Variants in MTF1 observed in about 807,000 individuals in gnomAD.
MTF1 encodes the protein metal regulatory transcription factor 1.
Under a neutral mutation model 70.4 loss-of-function variants are expected in MTF1, and 22 were observed. The observed-to-expected ratio is 0.31, with a 90% confidence interval of 0.22 to 0.45. MTF1 has a LOEUF of 0.45. MTF1 is among the 20% of genes least tolerant of loss of function. MTF1 has a pLI of 1.00. For synonymous variants in MTF1, 333 were observed against 352.8 expected (o/e 0.94, Z 0.63); for missense variants, 649 against 922.0 (o/e 0.70, Z 3.83).
rs139243434 is a variant in MTF1 at position 37,822,638 on chromosome 1, A to G, written c.1250T>C (p.Leu417Ser). Residue 417 changes from leucine (L) to serine (S), a missense_variant, in exon 9 of 11, where the codon TTA (leucine) becomes TCA (serine). Leu to Ser is a moderately radical substitution (Grantham distance 145). This residue lies in a region of MTF1 where 267 missense variants were observed against 292.1 expected (regional missense o/e 0.91). Transcript: ENST00000373036. ...AGGTTGCAGTACAAGTGGAAGAGATAAAGATGCTGAATTTCCTGTGGATGG... is the reference window on the plus strand; with the variant it reads ...AGGTTGCAGTACAAGTGGAAGAGATGAAGATGCTGAATTTCCTGTGGATGG... ...VPPSTGNSAS[L>S]SLPLVLQPGL... 1.1e-5 allele frequency: 17 copies of G among 1,613,956 alleles called. No individual in the cohort carries two copies. Among genetic ancestry groups the G allele is most frequent in the African/African-American group, 2.7e-5 (2 of 75,022 alleles).
chr1:37,836,371 A>C (rs2148411900), intron 4 of MTF1, among the ~76,000 whole-genome samples: 1 of 152,296 alleles, frequency 6.6e-6, no homozygotes, highest in Middle Eastern at 3.4e-3. Context: ...CTGCCAGTGG[A>C]ACATTAGGAA....
At chr1:37,843,404 C>T (rs561721443) in intron 2 of MTF1, among the ~76,000 whole-genome samples, 17 of 151,898 alleles carry the variant, frequency 1.1e-4, no homozygotes, top group Non-Finnish European at 1.6e-4. Flanking sequence ...TAAAGAAGAG[C>T]AAGATTTAAA....
At chr1:37,834,572 T>C (rs1465378844) in intron 6 of MTF1, 6 of 452,312 alleles carry the variant, frequency 1.3e-5, no homozygotes, top group Admixed American at 2.4e-5. Flanking sequence ...GGCTGATATA[T>C]GTAGGACAGT....
intron 2 of MTF1, among the ~76,000 whole-genome samples, chr1:37,849,763 T>C (rs1641386716): frequency 6.6e-6 from 1 of 152,122 alleles, no homozygotes. Flanking sequence ...AGCTCATGCC[T>C]TTAATCCCAG....
At chr1:37,821,596 A>G (rs1369825599) in intron 9 of MTF1, among the ~76,000 whole-genome samples, 1 of 152,172 alleles carries the variant, frequency 6.6e-6, no homozygotes, top group African/African-American at 2.4e-5. Context: ...CCCTGAGACA[A>G]TTCTTCACGA....
At chr1:37,817,572 CAAG>C in intron 9 of MTF1, 90 bp from the exon 10 acceptor site, 1 of 874,632 alleles carries the variant, frequency 1.1e-6, no homozygotes, top group Non-Finnish European at 1.9e-6. Flanking sequence ...AATGGTCATC[CAAG>C]AAGACAGAAA....
At chr1:37,852,891 A>C (rs189060381) in intron 2 of MTF1, among the ~76,000 whole-genome samples, 1 of 152,314 alleles carries the variant, frequency 6.6e-6, no homozygotes, top group East Asian at 1.9e-4. Flanking sequence ...TCTGCCTCCG[A>C]AAGTGCTGGG....
chr1:37,819,351 G>A (rs563433283), intron 9 of MTF1, among the ~76,000 whole-genome samples: 6 of 152,060 alleles, frequency 3.9e-5, no homozygotes, highest in South Asian at 2.1e-4. Context: ...GACCGGGCGC[G>A]GTGGCTCACG....
chr1:37,820,084 G>A (rs1640888356), intron 9 of MTF1, among the ~76,000 whole-genome samples: 1 of 151,802 alleles, frequency 6.6e-6, no homozygotes, highest in African/African-American at 2.4e-5. Flanking sequence ...ACCACATGGA[G>A]GCGGGCTGGG....
intron 9 of MTF1, among the ~76,000 whole-genome samples, chr1:37,819,008 A>C: frequency 6.6e-6 from 1 of 152,136 alleles, no homozygotes; most frequent in South Asian, 2.1e-4. Flanking sequence ...AAAAAAAAAA[A>C]AATGAAGAGG....
chr1:37,854,950 T>C (rs1430103046), intron 2 of MTF1, among the ~76,000 whole-genome samples: 1 of 152,080 alleles, frequency 6.6e-6, no homozygotes, highest in Non-Finnish European at 1.5e-5. Flanking sequence ...TCCCAGCTAC[T>C]TGGGAGGCTG....
intron 10 of MTF1, 56 bp downstream of exon 10, chr1:37,817,348 AGCAATAATTAGCTGT>A (rs1640835785): frequency 1.1e-6 from 1 of 906,848 alleles, no homozygotes; most frequent in African/African-American, 1.7e-5. Flanking sequence ...ACTGGGACAA[AGCAATAATTAGCTGT>A]GCCTCAAGGG....
Position 37,814,924 on chromosome 1 carries a change from TTTG to T in MTF1, c.*209_*211del, listed in dbSNP as rs774873675. The T allele has an allele frequency of 9.7e-5, 53 of 546,806 alleles. No individual in the cohort carries two copies. Among genetic ancestry groups the T allele is most frequent in the Middle Eastern group, 4.8e-4 (1 of 2,104 alleles). The allele number at this position is 546,806 out of a possible 1,614,324, so 33.9% of individuals were successfully genotyped here. A position where few individuals can be genotyped will look rare whatever the true frequency, so the allele number is the denominator to read the frequency against. On this transcript the variant is annotated 3_prime_UTR_variant, in exon 11 of 11. Transcript: ENST00000373036. ...ACAGTTCACTTATAACTTAGCTTTT[TTTG>T]TTGTTTTTTTTGTTTTTTGTTTTTT...
intron 4 of MTF1, among the ~76,000 whole-genome samples, chr1:37,838,130 G>A (rs1641198495): frequency 6.6e-6 from 1 of 152,042 alleles, no homozygotes; most frequent in Non-Finnish European, 1.5e-5. Context: ...AGTAACAACT[G>A]CACCACTAAG....
intron 2 of MTF1, among the ~76,000 whole-genome samples, chr1:37,852,707 T>G (rs1306742339): frequency 6.6e-6 from 1 of 152,060 alleles, no homozygotes. Flanking sequence ...CATGGCTCAC[T>G]GCACCCTCCG....
At chr1:37,834,973 C>G (rs1029622225) in intron 6 of MTF1, 106 bp downstream of exon 6, 1 of 1,239,516 alleles carries the variant, frequency 8.1e-7, no homozygotes. Flanking sequence ...CTTCTTCCCG[C>G]TCACTAACAG....
chr1:37,842,963 G>A (rs1641277771), intron 2 of MTF1, among the ~76,000 whole-genome samples: 1 of 152,166 alleles, frequency 6.6e-6, no homozygotes, highest in African/African-American at 2.4e-5. Flanking sequence ...GTGAAGTGGA[G>A]GTAGAGGCTA....
intron 2 of MTF1, among the ~76,000 whole-genome samples, chr1:37,853,234 G>T (rs772419042): frequency 1.3e-5 from 2 of 152,088 alleles, no homozygotes; most frequent in Non-Finnish European, 2.9e-5. Flanking sequence ...ACCTCCAATG[G>T]TTTCCCACCA....
rs1046623033 is a variant in MTF1, at chr1:37,827,740, A to T, written c.1069-3928T>A. 5.3e-5 allele frequency among the ~76,000 whole-genome samples: 8 copies of T among 152,358 alleles called. No homozygotes were observed. In the South Asian group the frequency reaches 1.7e-3, roughly 32 times the overall value. ...ACTTTTGTTCTGTTTATAAATCATT[A>T]TAGGTAGTAACATAATTAAAAACGA... is the stretch of plus-strand genomic sequence containing the variant. On this transcript the variant is annotated intron_variant, in intron 7 of 10. Coordinates refer to ENST00000373036, the MANE Select transcript of MTF1 (RefSeq NM_005955.3).
Sources: allele counts gnomAD v4.1 joint callset (sites outside exome capture counted in the v4.1 genomes callset), GRCh38; gene constraint gnomAD v4.1.1; regional missense constraint gnomAD v4.1.1; transcripts MANE v1.5; gene names NCBI Gene and HGNC (gene_info 2026-07-23, HGNC 2026-07-21).